Variants in TNRC6C observed in about 807,000 individuals in gnomAD.
The protein encoded by TNRC6C is trinucleotide repeat containing adaptor 6C, also known as trinucleotide repeat-containing gene 6C protein.
TNRC6C carries 20 observed loss-of-function variants against 153.7 expected under a neutral mutation model. The ratio of observed to expected loss-of-function variants is 0.13; its 90% confidence interval spans 0.09 to 0.19. The LOEUF (loss-of-function observed/expected upper bound fraction) is 0.19, where lower values mean the gene tolerates loss of function less well. Ranked by LOEUF, TNRC6C falls within the 10% of genes least tolerant of loss-of-function variation. The probability of loss-of-function intolerance (pLI) is 1.00; values close to 1 mark genes in which losing one functional copy is unlikely to be tolerated. For synonymous variants in TNRC6C, 811 were observed against 841.4 expected (o/e 0.96, Z 0.63); for missense variants, 1,987 against 2,172.0 (o/e 0.91, Z 1.69).
At chr17:78,084,019 C>T (rs181091764) in intron 11 of TNRC6C, among the ~76,000 whole-genome samples, 1 of 152,242 alleles carries the variant, frequency 6.6e-6, no homozygotes, top group East Asian at 1.9e-4. Context: ...CACGGTGGCT[C>T]ATGCCTATAA....
In TNRC6C at chr17:78,056,285, G is replaced by A. The variant is rs557091088; in HGVS notation, c.2395+4828G>A. 1.9e-4 allele frequency among the ~76,000 whole-genome samples: 29 copies of A among 151,404 alleles called. No homozygotes were observed. In the South Asian group the frequency reaches 5.8e-3, roughly 30 times the overall value. On this transcript the variant is annotated intron_variant, in intron 3 of 19. Coordinates refer to ENST00000301624, the Ensembl canonical transcript of TNRC6C. ...CGATTCTCCTGCCTCAGCCTCCCAAGTAGCTGGGATTACAGGCGATCACCA... is the reference window on the plus strand; with the variant it reads ...CGATTCTCCTGCCTCAGCCTCCCAAATAGCTGGGATTACAGGCGATCACCA...
intron 17 of TNRC6C, among the ~76,000 whole-genome samples, chr17:78,100,770 C>CTT (rs56816459): frequency 0.016 from 1,648 of 103,970 alleles, 31 homozygotes; most frequent in African/African-American, 0.022. Context: ...ATGGGATTTC[C>CTT]TTTTTTTTTT....
chr17:77,966,499 G>A (rs2144041500), intron 1 of TNRC6C, among the ~76,000 whole-genome samples: 1 of 151,806 alleles, frequency 6.6e-6, no homozygotes, highest in South Asian at 2.1e-4. Flanking sequence ...AGTTCTAAGA[G>A]GCATAGGGTA....
upstream of TNRC6C, chr17:78,004,082 G>A (rs1310561825): frequency 1.6e-6 from 2 of 1,228,852 alleles, no homozygotes; most frequent in Admixed American, 4.2e-5. Context: ...GCGAAATTCT[G>A]ACTTAAGATT....
At chr17:78,096,719 G>T (rs1870453005) in intron 16 of TNRC6C, among the ~76,000 whole-genome samples, 7 of 152,368 alleles carry the variant, frequency 4.6e-5, no homozygotes, top group Admixed American at 3.3e-4. Flanking sequence ...ACGTGCACTG[G>T]CAGAGTCATT....
chr17:78,044,858 A>G (rs1416144607), intron 2 of TNRC6C, among the ~76,000 whole-genome samples: 2 of 152,176 alleles, frequency 1.3e-5, no homozygotes, highest in African/African-American at 2.4e-5. Context: ...GACTGTTACA[A>G]TGAATGTATG....
At chr17:77,999,129 A>G (rs1308571306) in intron 1 of TNRC6C, among the ~76,000 whole-genome samples, 1 of 152,246 alleles carries the variant, frequency 6.6e-6, no homozygotes, top group East Asian at 1.9e-4. Flanking sequence ...CTCAAAGGTG[A>G]GCCCAAAATG....
intron 1 of TNRC6C, among the ~76,000 whole-genome samples, chr17:77,967,031 T>G (rs1427470476): frequency 6.6e-6 from 1 of 152,172 alleles, no homozygotes; most frequent in Non-Finnish European, 1.5e-5. Context: ...AATAATAGAT[T>G]CTTTTTTACT....
intron 1 of TNRC6C, among the ~76,000 whole-genome samples, chr17:77,997,338 G>A (rs547886833): frequency 9.2e-5 from 14 of 152,228 alleles, no homozygotes; most frequent in Non-Finnish European, 1.0e-4. Flanking sequence ...TACGATCTCC[G>A]TGATTCTTCA....
chr17:77,965,627 C>T (rs2070890947), intron 1 of TNRC6C, among the ~76,000 whole-genome samples: 1 of 152,158 alleles, frequency 6.6e-6, no homozygotes, highest in South Asian at 2.1e-4. Context: ...CAACTTCTTC[C>T]TGCCCTCCTG....
intron 1 of TNRC6C, among the ~76,000 whole-genome samples, chr17:78,005,641 T>C (rs2071483458): frequency 6.6e-6 from 1 of 152,282 alleles, no homozygotes; most frequent in African/African-American, 2.4e-5. Context: ...CTGAAAGCCA[T>C]ACTCCAAGCC....
At chr17:78,009,991 C>A (rs1403950323) in intron 1 of TNRC6C, among the ~76,000 whole-genome samples, 1 of 152,112 alleles carries the variant, frequency 6.6e-6, no homozygotes, top group Non-Finnish European at 1.5e-5. Context: ...TCAAGTGATA[C>A]CCCAACCTCA....
chr17:78,072,027 C>G (rs939332980), intron 6 of TNRC6C, among the ~76,000 whole-genome samples: 4 of 152,344 alleles, frequency 2.6e-5, no homozygotes, highest in Admixed American at 1.3e-4. Flanking sequence ...GGACTTCTTT[C>G]AAAATCCTTA....
Position 78,079,280 on chromosome 17 carries a change from G to T in TNRC6C, c.3211-115G>T. Reference sequence around the variant, plus strand: ...ATTCTCTTGGGTACAAGTTGACAGTGGTAGGAAGTAGAAACAATTTTGCAT... The same window carrying T: ...ATTCTCTTGGGTACAAGTTGACAGTTGTAGGAAGTAGAAACAATTTTGCAT... On this transcript the variant is annotated intron_variant, in intron 9 of 19. Coordinates refer to ENST00000301624, the Ensembl canonical transcript of TNRC6C. This position sits in a 1 kb window ranked among gnomAD's most constrained non-coding sequence, Gnocchi z 4.3. 1 of 1,451,632 alleles carries T rather than the reference G, an allele frequency of 6.9e-7. No individual in the cohort carries two copies. Among genetic ancestry groups the T allele is most frequent in the African/African-American group, 1.4e-5 (1 of 71,890 alleles). 89.9% of individuals were successfully genotyped at this position (1,451,632 alleles called of 1,614,324 possible).
exon 3 of TNRC6C, chr17:78,050,530 G>C (rs1232708718): frequency 6.2e-7 from 1 of 1,613,852 alleles, no homozygotes; most frequent in Non-Finnish European, 8.5e-7. Context: ...TTCAAACTCA[G>C]GGGGGAAGAA....
intron 2 of TNRC6C, among the ~76,000 whole-genome samples, chr17:78,045,471 G>A (rs1253426436): frequency 1.3e-5 from 2 of 152,254 alleles, no homozygotes; most frequent in East Asian, 3.9e-4. Context: ...TCAAAGCCCG[G>A]GAAGGTCTGA....
exon 14 of TNRC6C, chr17:78,091,472 A>C: frequency 6.2e-7 from 1 of 1,605,372 alleles, no homozygotes; most frequent in Non-Finnish European, 8.5e-7. Flanking sequence ...TGTCAACAGC[A>C]TGGACATGAC....
intron 1 of TNRC6C, among the ~76,000 whole-genome samples, chr17:77,960,238 A>G (rs897490019): frequency 6.6e-6 from 1 of 152,236 alleles, no homozygotes; most frequent in African/African-American, 2.4e-5. Flanking sequence ...TGCGGATTCT[A>G]AACTCAAAAT....
chr17:78,004,958 ATAC>A, upstream of TNRC6C: 3 of 937,168 alleles, frequency 3.2e-6, no homozygotes, highest in Non-Finnish European at 4.2e-6. Context: ...AAAATTTTCA[ATAC>A]TAAAAGTTTG....
Sources: gnomAD v4.1 joint callset for allele counts (sites outside exome capture counted in the v4.1 genomes callset) on GRCh38, gnomAD v4.1.1 for gene constraint, Gnocchi (gnomAD v3.1) non-coding constraint, MANE v1.5 for transcripts, NCBI Gene and HGNC (gene_info 2026-07-23, HGNC 2026-07-21) for gene names.